KCNN2: variants seen among roughly 807,000 people sequenced by gnomAD.
KCNN2 encodes the protein small conductance calcium-activated potassium channel protein 2.
KCNN2 carries 24 observed loss-of-function variants against 55.5 expected under a neutral mutation model. The ratio of observed to expected loss-of-function variants is 0.43; its 90% CI spans 0.31 to 0.61. KCNN2 has a LOEUF of 0.61. Ranked by LOEUF, KCNN2 falls within the 20% of genes least tolerant of loss-of-function variation. The pLI is 0.08. For missense variants in KCNN2, 754 were observed against 853.6 expected (o/e 0.88, Z 1.45); for synonymous variants, 431 against 336.1 (o/e 1.28, Z -3.09).
intron 2 of KCNN2, among the ~76,000 whole-genome samples, chr5:114,243,385 C>A (rs1327191799): frequency 6.6e-6 from 1 of 152,098 alleles, no homozygotes; most frequent in Non-Finnish European, 1.5e-5. Context: ...CAGAAGTAAA[C>A]AATTCATAAG....
intron 6 of KCNN2, among the ~76,000 whole-genome samples, chr5:114,491,541 A>G (rs1422112521): frequency 6.6e-6 from 1 of 151,022 alleles, no homozygotes; most frequent in South Asian, 2.1e-4. Context: ...AAGAAAAAAA[A>G]AAAAAAAGCA....
chr5:114,387,333 TTAA>T (rs1758317511), intron 2 of KCNN2, among the ~76,000 whole-genome samples: 2 of 152,176 alleles, frequency 1.3e-5, no homozygotes, highest in East Asian at 3.9e-4. Flanking sequence ...GAAGTAACTA[TTAA>T]TGTAACAACA....
At chr5:114,324,926 A>C (rs540075266) in intron 2 of KCNN2, among the ~76,000 whole-genome samples, 19 of 152,356 alleles carry the variant, frequency 1.2e-4, no homozygotes, top group African/African-American at 4.3e-4. Context: ...AAATGGCCTT[A>C]GAGAATACAT....
chr5:114,357,443 T>TC (rs1250228837), upstream of KCNN2, among the ~76,000 whole-genome samples: 25 of 97,134 alleles, frequency 2.6e-4, no homozygotes, highest in Admixed American at 6.6e-4. Flanking sequence ...ATGCTATCCC[T>TC]CCCCCCTCCC....
At chr5:114,442,967 T>C (rs1760271754) in intron 3 of KCNN2, among the ~76,000 whole-genome samples, 1 of 107,462 alleles carries the variant, frequency 9.3e-6, no homozygotes. Flanking sequence ...AAGAGATTTT[T>C]AAAGGTGTTT....
At chr5:114,340,615 T>G (rs1738576462) in intron 2 of KCNN2, among the ~76,000 whole-genome samples, 1 of 152,022 alleles carries the variant, frequency 6.6e-6, no homozygotes, top group Non-Finnish European at 1.5e-5. Flanking sequence ...GTTACAACAG[T>G]AAAGCTAATT....
chr5:114,192,053 C>CA (rs1254747614), intron 1 of KCNN2, among the ~76,000 whole-genome samples: 1 of 152,110 alleles, frequency 6.6e-6, no homozygotes, highest in Non-Finnish European at 1.5e-5. Flanking sequence ...GTTTACTAGC[C>CA]AAACAAATCA....
chr5:114,075,997 G>A (rs1750678495), intron 1 of KCNN2, among the ~76,000 whole-genome samples: 1 of 152,222 alleles, frequency 6.6e-6, no homozygotes, highest in Non-Finnish European at 1.5e-5. Context: ...GTTGTTTTAA[G>A]TGTGTGTTCA....
At chr5:114,254,089 C>T (rs868438051) in intron 2 of KCNN2, among the ~76,000 whole-genome samples, 1 of 152,018 alleles carries the variant, frequency 6.6e-6, no homozygotes. Flanking sequence ...TTCTGAGATT[C>T]ACTGACAAAA....
chr5:114,454,605 A>G (rs1188261637), intron 3 of KCNN2, among the ~76,000 whole-genome samples: 1 of 152,186 alleles, frequency 6.6e-6, no homozygotes, highest in East Asian at 1.9e-4. Context: ...GAGACTAGAA[A>G]TGCTACTGTT....
At chr5:114,422,720 G>A (rs777042396) in intron 3 of KCNN2, among the ~76,000 whole-genome samples, 35 of 152,148 alleles carry the variant, frequency 2.3e-4, no homozygotes, top group Non-Finnish European at 4.4e-4. Context: ...TGACCATGTG[G>A]TCTCCTGGAT....
chr5:114,121,596 A>T (rs1019235888), intron 1 of KCNN2, among the ~76,000 whole-genome samples: 16 of 152,120 alleles, frequency 1.1e-4, no homozygotes, highest in Admixed American at 1.0e-3. Context: ...TGCTGACAAT[A>T]AGGAAAGTTG....
intron 1 of KCNN2, among the ~76,000 whole-genome samples, chr5:114,118,627 G>T (rs977512623): frequency 6.6e-6 from 1 of 151,974 alleles, no homozygotes; most frequent in African/African-American, 2.4e-5. Context: ...ACTGGGGAAG[G>T]CAGGCTGTCT....
At chr5:114,285,079 G>A (rs1196426981) in intron 2 of KCNN2, among the ~76,000 whole-genome samples, 4 of 150,990 alleles carry the variant, frequency 2.6e-5, no homozygotes, top group Admixed American at 2.6e-4. Context: ...TCAGGAGATC[G>A]AGACCATCTT....
At chr5:114,127,349 C>CT (rs1316052103) in intron 1 of KCNN2, among the ~76,000 whole-genome samples, 9 of 152,206 alleles carry the variant, frequency 5.9e-5, no homozygotes, top group African/African-American at 1.7e-4. Flanking sequence ...CCTGAGAAAT[C>CT]TAAGTGGAGG....
rs1003189200 is a variant in KCNN2, at chr5:114,455,370, G to T, written c.1638-7679G>T. Among the ~76,000 whole-genome samples, 4 of 152,156 alleles carry T rather than the reference G, an allele frequency of 2.6e-5. No individual in the cohort carries two copies. The South Asian group carries it at 8.3e-4, about 32-fold the overall frequency. ...GATATTACAATTCTATTTATCTTGG[G>T]GTTCCATGAATCAAGCCCATAAGAG... On this transcript the variant is annotated intron_variant, in intron 3 of 7. Coordinates refer to ENST00000673685, the MANE Select transcript of KCNN2 (RefSeq NM_021614.4).
chr5:114,378,800 C>G (rs1758017449), intron 2 of KCNN2, among the ~76,000 whole-genome samples: 7 of 151,938 alleles, frequency 4.6e-5, no homozygotes. Flanking sequence ...TGGCTTGCCT[C>G]AATCATGAAG....
chr5:114,250,755 T>C (rs1288599777), intron 2 of KCNN2, among the ~76,000 whole-genome samples: 2 of 152,178 alleles, frequency 1.3e-5, no homozygotes, highest in African/African-American at 4.8e-5. Context: ...TGGGCCACAC[T>C]TAGAGCCACA....
chr5:114,148,698 G>A (rs1021005002), intron 1 of KCNN2, among the ~76,000 whole-genome samples: 2 of 152,072 alleles, frequency 1.3e-5, no homozygotes, highest in African/African-American at 4.8e-5. Context: ...GGCAGAGGGG[G>A]CAATGGCTTA....
Sources: allele counts gnomAD v4.1 joint callset (sites outside exome capture counted in the v4.1 genomes callset), GRCh38; gene constraint gnomAD v4.1.1; transcripts MANE v1.5; gene names NCBI Gene and HGNC (gene_info 2026-07-23, HGNC 2026-07-21).